The following TSPAN7 variants were observed in gnomAD, a reference collection of about 807,000 sequenced individuals.
The protein encoded by TSPAN7 is tetraspanin-7.
TSPAN7 carries 1 observed loss-of-function variant against 17.6 expected under a neutral mutation model. The observed-to-expected ratio is 0.06, with a 90% confidence interval of 0.02 to 0.27. The LOEUF (loss-of-function observed/expected upper bound fraction) is 0.27, where lower values mean the gene tolerates loss of function less well. Among genes scored for constraint, TSPAN7 ranks in the 10% least tolerant of loss-of-function variants. The probability of loss-of-function intolerance (pLI) is 1.00; values close to 1 mark genes in which losing one functional copy is unlikely to be tolerated. For missense variants in TSPAN7, 112 were observed against 201.7 expected, an observed-to-expected ratio of 0.56 and a Z score of 2.69; for synonymous variants, 78 against 79.0, an observed-to-expected ratio of 0.99 and a Z score of 0.07.
At chrX:38,591,797 T>C (rs2069293517) in intron 1 of TSPAN7, among the ~76,000 whole-genome samples, 1 of 112,392 alleles carries the variant, frequency 8.9e-6, no homozygotes, top group African/African-American at 3.2e-5. Context: ...TCCTCTGAAA[T>C]GTATTTTGTC....
At chrX:38,656,972 G>A (rs975934678) in intron 1 of TSPAN7, among the ~76,000 whole-genome samples, 2 of 112,213 alleles carry the variant, frequency 1.8e-5, no homozygotes, top group East Asian at 2.8e-4. Flanking sequence ...CTCAATGTAC[G>A]GATATGTGTG....
chrX:38,597,451 G>A (rs1203273190), intron 1 of TSPAN7, among the ~76,000 whole-genome samples: 1 of 111,341 alleles, frequency 9.0e-6, no homozygotes, highest in Non-Finnish European at 1.9e-5. Flanking sequence ...AGAAGCCTGC[G>A]ATGTGCCTTA....
chrX:38,675,487 A>G (rs2069847296), intron 4 of TSPAN7, among the ~76,000 whole-genome samples: 1 of 111,785 alleles, frequency 8.9e-6, no homozygotes, highest in Non-Finnish European at 1.9e-5. Flanking sequence ...AAGAAAGCCA[A>G]TGTGATATAT....
intron 1 of TSPAN7, among the ~76,000 whole-genome samples, chrX:38,594,929 AT>A (rs1441365504): frequency 2.7e-5 from 3 of 111,172 alleles, no homozygotes; most frequent in Non-Finnish European, 5.7e-5. Context: ...CCTACAAATC[AT>A]TTCATATCAG....
intron 1 of TSPAN7, among the ~76,000 whole-genome samples, chrX:38,591,108 G>C (rs909635469): frequency 1.8e-5 from 2 of 110,316 alleles, no homozygotes; most frequent in African/African-American, 6.6e-5. Context: ...GATTTCTGAA[G>C]GTAGAAGCTG....
intron 1 of TSPAN7, among the ~76,000 whole-genome samples, chrX:38,659,657 A>T (rs34358320): frequency 0.38 from 36,213 of 95,343 alleles, 5,720 homozygotes; most frequent in Middle Eastern, 0.54. Context: ...TAACATTTTT[A>T]ATTCTAATTT....
chrX:38,613,207 T>A (rs1468749429), intron 1 of TSPAN7, among the ~76,000 whole-genome samples: 1 of 112,201 alleles, frequency 8.9e-6, no homozygotes, highest in East Asian at 2.8e-4. Flanking sequence ...TAATTTTCAA[T>A]TCCAAAAGTG....
At chrX:38,655,039 G>A (rs1168231152) in intron 1 of TSPAN7, among the ~76,000 whole-genome samples, 1 of 112,091 alleles carries the variant, frequency 8.9e-6, no homozygotes, top group East Asian at 2.8e-4. Flanking sequence ...GCAGCAGAGT[G>A]AACCAGTGGG....
chrX:38,621,479 C>A (rs747932827), intron 1 of TSPAN7, among the ~76,000 whole-genome samples: 1 of 111,684 alleles, frequency 9.0e-6, no homozygotes, highest in African/African-American at 3.3e-5. Context: ...ATAACTAAAA[C>A]CAACAATACA....
chrX:38,582,112 T>G (rs2069230733), intron 1 of TSPAN7, among the ~76,000 whole-genome samples: 1 of 112,433 alleles, frequency 8.9e-6, no homozygotes, highest in South Asian at 3.7e-4. Context: ...ATACTGCCTA[T>G]GAATGGTAAC....
chrX:38,609,577 G>C (rs1472072581), intron 1 of TSPAN7, among the ~76,000 whole-genome samples: 1 of 108,084 alleles, frequency 9.3e-6, no homozygotes, highest in African/African-American at 3.4e-5. Flanking sequence ...ATGGTGCTTG[G>C]CATGCAGCAT....
At chrX:38,652,657 C>G (rs764745016) in intron 1 of TSPAN7, among the ~76,000 whole-genome samples, 1 of 112,387 alleles carries the variant, frequency 8.9e-6, no homozygotes, top group African/African-American at 3.2e-5. Flanking sequence ...CAGAACACAG[C>G]CCAGTTCATA....
intron 1 of TSPAN7, among the ~76,000 whole-genome samples, chrX:38,577,143 G>A (rs1251534262): frequency 8.9e-6 from 1 of 111,735 alleles, no homozygotes; most frequent in Non-Finnish European, 1.9e-5. Flanking sequence ...GGATGATGGT[G>A]ATACTCTCAT....
Position 38,607,923 on chromosome X carries a change from C to A in TSPAN7, c.81+46296C>A, listed in dbSNP as rs1019531255. Among the ~76,000 whole-genome samples the A allele has an allele frequency of 9.2e-4, 101 of 109,332 alleles. 1 individual carries two copies. The highest frequency in any genetic ancestry group is 1.3e-3 in the Non-Finnish European group (68 of 52,485). 94.9% of individuals were successfully genotyped at this position (109,332 alleles called of 115,157 possible). On this transcript the variant is annotated intron_variant, in intron 1 of 7. Coordinates refer to ENST00000378482, the MANE Select transcript of TSPAN7 (RefSeq NM_004615.4). Reference sequence around the variant, plus strand: ...AATTCTGAGTTAGAATTAAGATTACCAAATGAGTATTGAATGGCTTCAAAG... The same window carrying A: ...AATTCTGAGTTAGAATTAAGATTACAAAATGAGTATTGAATGGCTTCAAAG...
chrX:38,579,579 A>AAATAAT (rs774572914), intron 1 of TSPAN7, among the ~76,000 whole-genome samples: 1 of 111,076 alleles, frequency 9.0e-6, no homozygotes, highest in Non-Finnish European at 1.9e-5. Context: ...GTGTCTCAAA[A>AAATAAT]AATAATAATA....
intron 1 of TSPAN7, among the ~76,000 whole-genome samples, chrX:38,657,761 A>C (rs1255113238): frequency 8.9e-6 from 1 of 112,507 alleles, no homozygotes; most frequent in Non-Finnish European, 1.9e-5. Context: ...TGCTGGACTT[A>C]CAGCATGCCT....
At position 38,671,432 on chromosome X, in the gene TSPAN7, G is replaced by C; in HGVS notation, c.327G>C (p.Gly109=). 8.3e-7 allele frequency: 1 copy of C among 1,211,335 alleles called. No individual in the cohort carries two copies. Among genetic ancestry groups the C allele is most frequent in the South Asian group, 1.8e-5 (1 of 56,986 alleles). Residue 109 remains glycine (G), a synonymous_variant, in exon 3 of 8, where the codon GGG becomes GGC. Coordinates refer to ENST00000378482, the MANE Select transcript of TSPAN7 (RefSeq NM_004615.4). ...FLAELVAGIS[G]FVFRHEIKDT... ...CTGAGCTCGTAGCTGGCATTTCAGG[G>C]TTTGTGTTTCGTCATGAGGTGAGTA...
intron 1 of TSPAN7, among the ~76,000 whole-genome samples, chrX:38,577,719 T>C (rs762015142): frequency 3.0e-3 from 312 of 103,691 alleles, no homozygotes; most frequent in Middle Eastern, 9.6e-3. Context: ...TGCTAAATGA[T>C]GAGTTAATGG....
intron 1 of TSPAN7, among the ~76,000 whole-genome samples, chrX:38,574,739 A>T (rs12014502): frequency 0.27 from 30,023 of 110,366 alleles, 5,296 homozygotes; most frequent in African/African-American, 0.65. Flanking sequence ...CGTAGAAGAA[A>T]AAATACCTGA....
Sources: allele counts gnomAD v4.1 joint callset (sites outside exome capture counted in the v4.1 genomes callset), GRCh38; gene constraint gnomAD v4.1.1; transcripts MANE v1.5; gene names NCBI Gene and HGNC (gene_info 2026-07-23, HGNC 2026-07-21).